The following ANGPTL4 variants were observed in gnomAD, a reference collection of about 807,000 sequenced individuals.
ANGPTL4 encodes angiopoietin like 4.
A neutral mutation model predicts 39.2 loss-of-function variants in ANGPTL4; 39 were observed. That is an observed-to-expected ratio of 1.00 (90% CI 0.77 to 1.30). ANGPTL4 has a LOEUF of 1.30. Among genes scored for constraint, ANGPTL4 ranks in the 50% most tolerant of loss-of-function variants. The probability of loss-of-function intolerance (pLI) is 0.00; values close to 1 mark genes in which losing one functional copy is unlikely to be tolerated. For missense variants in ANGPTL4, 545 were observed against 549.8 expected (o/e 0.99, Z 0.09); for synonymous variants, 233 against 229.5 (o/e 1.02, Z -0.14).
intron 3 of ANGPTL4, among the ~76,000 whole-genome samples, chr19:8,367,820 A>G (rs1341607061): frequency 6.9e-6 from 1 of 145,756 alleles, no homozygotes; most frequent in Non-Finnish European, 1.5e-5. Flanking sequence ...TCATTCATTC[A>G]TTTGTCAAGA....
rs1970945974 is a variant in ANGPTL4, at chr19:8,364,221, A to G, written c.-101A>G. 17 of 1,254,380 alleles carry G rather than the reference A, an allele frequency of 1.4e-5. No homozygotes were observed. The highest frequency in any genetic ancestry group is 1.9e-5 in the Non-Finnish European group (17 of 918,310). 77.7% of individuals were successfully genotyped at this position (1,254,380 alleles called of 1,614,324 possible). ...TTCTTTCCAGCGGCTTCTGCAACCA[A>G]GCGGGTCTTACCCCCGGTCCTCCGC... On this transcript the variant is annotated 5_prime_UTR_variant, in exon 1 of 7. Coordinates refer to ENST00000301455, the MANE Select transcript of ANGPTL4 (RefSeq NM_139314.3).
intron 6 of ANGPTL4, among the ~76,000 whole-genome samples, chr19:8,373,353 G>A (rs372723650): frequency 8.6e-5 from 13 of 150,390 alleles, no homozygotes; most frequent in Non-Finnish European, 1.5e-4. Flanking sequence ...GCAGTGAGCC[G>A]AGATTGTGCC....
At chr19:8,368,651 G>T (rs991325036) in intron 3 of ANGPTL4, among the ~76,000 whole-genome samples, 1 of 152,144 alleles carries the variant, frequency 6.6e-6, no homozygotes, top group African/African-American at 2.4e-5. Context: ...GAGGTCAGGA[G>T]ATCGAGACCA....
chr19:8,366,090 G>C, intron 2 of ANGPTL4, 26 bp downstream of exon 2: 1 of 1,611,990 alleles, frequency 6.2e-7, no homozygotes, highest in Admixed American at 1.7e-5. Context: ...AGGGAGAAAA[G>C]GTCCCTCTGA....
chr19:8,366,883 C>CAACCCCGCCAGGCTAGCATCTCA (rs1971017182), intron 3 of ANGPTL4, among the ~76,000 whole-genome samples: 1 of 151,026 alleles, frequency 6.6e-6, no homozygotes, highest in African/African-American at 2.4e-5. Flanking sequence ...TCCCCGCCCC[C>CAACCCCGCCAGGCTAGCATCTCA]GCCGGCCCCC....
intron 3 of ANGPTL4, among the ~76,000 whole-genome samples, chr19:8,368,108 T>C (rs1971043519): frequency 6.8e-6 from 1 of 146,144 alleles, no homozygotes; most frequent in Admixed American, 7.0e-5. Flanking sequence ...AACCTCTGCC[T>C]CCCGGGTTCA....
intron 4 of ANGPTL4, among the ~76,000 whole-genome samples, chr19:8,370,166 G>A (rs1014895880): frequency 2.6e-5 from 4 of 152,080 alleles, no homozygotes; most frequent in African/African-American, 7.2e-5. Flanking sequence ...TGACGCCACC[G>A]CACTCCAGCC....
chr19:8,373,689 C>T lies in ANGPTL4; in HGVS notation c.1040-16C>T, dbSNP rs751754980. ...TCAAAGACCTGACCATGTTCCCTCTCCCCTGACCCCGGCAGGAGGCTGGTG... is the reference window on the plus strand; with the variant it reads ...TCAAAGACCTGACCATGTTCCCTCTTCCCTGACCCCGGCAGGAGGCTGGTG... On this transcript the variant is annotated splice_polypyrimidine_tract_variant and intron_variant, in intron 6 of 6. Transcript: ENST00000301455. 12 of 1,613,710 alleles carry T rather than the reference C, an allele frequency of 7.4e-6. No individual in the cohort carries two copies. The South Asian group carries it at 1.1e-4, about 15-fold the overall frequency.
rs1353363512 is a variant in ANGPTL4, at chr19:8,371,563, C to T, written c.1039+41C>T. The T allele has an allele frequency of 1.9e-6, 3 of 1,611,188 alleles. No individual in the cohort carries two copies. Among genetic ancestry groups the T allele is most frequent in the African/African-American group, 1.3e-5 (1 of 74,906 alleles). ...CATGCCACACCCAGCCAGCAGCTTC[C>T]CTCCTTATCTTTCTGCTGCTCTGTC... On this transcript the variant is annotated intron_variant, in intron 6 of 6. Transcript: ENST00000301455. This position sits in a 1 kb window ranked among gnomAD's most constrained non-coding sequence, Gnocchi z 5.1.
intron 3 of ANGPTL4, 73 bp from the exon 4 acceptor site, chr19:8,369,146 G>A (rs949403681): frequency 1.5e-4 from 185 of 1,228,278 alleles, no homozygotes; most frequent in Admixed American, 2.4e-4. Context: ...TAAGCCCCCA[G>A]ATATGCCTGG....
At chr19:8,372,410 T>G (rs1971139346) in intron 6 of ANGPTL4, among the ~76,000 whole-genome samples, 1 of 150,040 alleles carries the variant, frequency 6.7e-6, no homozygotes, top group South Asian at 2.1e-4. Context: ...TTTTTTTTTT[T>G]TGAAACAGGG....
chr19:8,371,627 A>C lies in ANGPTL4; in HGVS notation c.1039+105A>C. 2 of 1,492,440 alleles carry C rather than the reference A, an allele frequency of 1.3e-6. No individual in the cohort carries two copies. Among genetic ancestry groups the C allele is most frequent in the Non-Finnish European group, 1.8e-6 (2 of 1,104,360 alleles). The allele number at this position is 1,492,440 out of a possible 1,614,324, so 92.4% of individuals were successfully genotyped here. On this transcript the variant is annotated intron_variant, in intron 6 of 6. Transcript: ENST00000301455. The surrounding 1 kb of genome is among the most constrained non-coding windows in gnomAD (Gnocchi z 5.1). ...CACATTGCATCTGTTTCCTGCCCCCACCTCTTCCTTACATGCCGTGTGTGT... is the reference window on the plus strand; with the variant it reads ...CACATTGCATCTGTTTCCTGCCCCCCCCTCTTCCTTACATGCCGTGTGTGT...
Position 8,364,526 on chromosome 19 carries a change from C to A in ANGPTL4, c.205C>A (p.Leu69Met), listed in dbSNP as rs1568214002. The A allele has an allele frequency of 1.3e-6, 2 of 1,568,308 alleles. No homozygotes were observed. Among genetic ancestry groups the A allele is most frequent in the Admixed American group, 1.9e-5 (1 of 53,302 alleles). The change falls in exon 1 of 7, where the codon CTG (leucine) becomes ATG (methionine). Residue 69 changes from leucine to methionine, a missense_variant. By Grantham distance (15) the Leu-to-Met change is conservative. Coordinates refer to ENST00000301455, the MANE Select transcript of ANGPTL4 (RefSeq NM_139314.3). Reference sequence around the variant, plus strand: ...GCGCACCCGCAGTCAGCTGAGCGCGCTGGAGCGGCGCCTGAGCGCGTGCGG... The same window carrying A: ...GCGCACCCGCAGTCAGCTGAGCGCGATGGAGCGGCGCCTGAGCGCGTGCGG... ...AERTRSQLSA[L>M]ERRLSACGSA...
Position 8,366,190 on chromosome 19 carries a change from G to A in ANGPTL4, c.430-12G>A, listed in dbSNP as rs374733561. 5.0e-6 allele frequency: 8 copies of A among 1,613,738 alleles called. No individual in the cohort carries two copies. Among genetic ancestry groups the A allele is most frequent in the East Asian group, 2.2e-5 (1 of 44,878 alleles). ...AGGCAGGACCTGACACCCTCCTCCC[G>A]TCCCATCCTAGTTTGGCCTCCTGGA... On this transcript the variant is annotated splice_polypyrimidine_tract_variant and intron_variant, in intron 2 of 6. Coordinates refer to ENST00000301455, the MANE Select transcript of ANGPTL4 (RefSeq NM_139314.3).
intron 6 of ANGPTL4, 143 bp from the exon 7 acceptor site, chr19:8,373,562 C>T: frequency 1.9e-6 from 2 of 1,052,816 alleles, no homozygotes; most frequent in South Asian, 1.4e-5. Flanking sequence ...CAGAGTAAGA[C>T]TCAATCTCAA....
At chr19:8,365,196 A>T (rs536972613) in intron 1 of ANGPTL4, among the ~76,000 whole-genome samples, 21 of 151,484 alleles carry the variant, frequency 1.4e-4, no homozygotes, top group Non-Finnish European at 2.4e-4. Context: ...ATAAAAATAA[A>T]GCCAGGTGCG....
intron 1 of ANGPTL4, 136 bp from the exon 2 acceptor site, chr19:8,365,818 T>TG (rs1272201529): frequency 1.4e-6 from 1 of 740,620 alleles, no homozygotes; most frequent in African/African-American, 1.8e-5. Context: ...ACCCCGTCAT[T>TG]GGGAAAAAAA....
At chr19:8,366,359 T>G (rs773916176) in intron 3 of ANGPTL4, 40 bp downstream of exon 3, 1 of 1,587,234 alleles carries the variant, frequency 6.3e-7, no homozygotes, top group East Asian at 2.2e-5. Flanking sequence ...TGGCCACCCC[T>G]ACCCCGCCAC....
At position 8,370,715 on chromosome 19, in the gene ANGPTL4, A is replaced by AG. The variant is rs1300904105; in HGVS notation, c.662-341_662-340insG. 5.4e-4 allele frequency among the ~76,000 whole-genome samples: 82 copies of AG among 151,910 alleles called. 1 individual carries two copies. The highest frequency in any genetic ancestry group is 1.8e-3 in the African/African-American group (73 of 41,462). On this transcript the variant is annotated intron_variant, in intron 4 of 6. Coordinates refer to ENST00000301455, the MANE Select transcript of ANGPTL4 (RefSeq NM_139314.3). ...ACTCCATCTCTAAAAAAAAAAAAAA[A>AG]AAAAAAGAAAGCTTTTTTTTCCACT...
Sources: gnomAD v4.1 joint callset for allele counts (sites outside exome capture counted in the v4.1 genomes callset) on GRCh38, gnomAD v4.1.1 for gene constraint, Gnocchi (gnomAD v3.1) non-coding constraint, MANE v1.5 for transcripts, NCBI Gene and HGNC (gene_info 2026-07-23, HGNC 2026-07-21) for gene names.